Variants in PCNX2 observed in about 807,000 individuals in gnomAD.
The protein encoded by PCNX2 is pecanex 2.
In PCNX2, 168 loss-of-function variants were observed where a neutral mutation model predicts 223.8. The ratio of observed to expected loss-of-function variants is 0.75; its 90% confidence interval spans 0.66 to 0.85. The LOEUF is 0.85. PCNX2 is among the 40% of genes least tolerant of loss of function. The pLI, the probability that PCNX2 is intolerant of heterozygous loss-of-function variation, is 0.00. For missense variants in PCNX2, 2,507 were observed against 2,675.5 expected, an observed-to-expected ratio of 0.94 and a Z score of 1.39; for synonymous variants, 1,006 against 1,052.6, an observed-to-expected ratio of 0.96 and a Z score of 0.86.
At chr1:233,085,574 C>T (rs1673562546) in intron 23 of PCNX2, among the ~76,000 whole-genome samples, 1 of 152,134 alleles carries the variant, frequency 6.6e-6, no homozygotes, top group Non-Finnish European at 1.5e-5. Flanking sequence ...ATATAATTCC[C>T]CTTTCTCTGA....
intron 15 of PCNX2, chr1:233,180,824 T>TAGTG (rs1679751841): frequency 6.6e-6 from 1 of 152,160 alleles, no homozygotes; most frequent in Admixed American, 6.6e-5. Context: ...GAAGTAAGAC[T>TAGTG]CACTGCCTCC....
chr1:233,281,423 G>A (rs1456769205), intron 1 of PCNX2, among the ~76,000 whole-genome samples: 1 of 152,144 alleles, frequency 6.6e-6, no homozygotes, highest in Admixed American at 6.5e-5. Context: ...TTATATCAGA[G>A]ACTAAGAGAT....
chr1:233,079,476 C>T (rs1462596638), intron 23 of PCNX2, among the ~76,000 whole-genome samples: 2 of 146,336 alleles, frequency 1.4e-5, no homozygotes, highest in East Asian at 2.0e-4. Context: ...TGCAATGAGC[C>T]GAGATCATGC....
At chr1:233,173,815 T>C (rs1417348621) in intron 17 of PCNX2, among the ~76,000 whole-genome samples, 1 of 152,034 alleles carries the variant, frequency 6.6e-6, no homozygotes, top group Admixed American at 6.6e-5. Context: ...ATTTTGTTGG[T>C]ATTGTGAGTT....
At chr1:233,269,429 T>C (rs1030511519) in intron 1 of PCNX2, among the ~76,000 whole-genome samples, 4 of 152,102 alleles carry the variant, frequency 2.6e-5, no homozygotes, top group African/African-American at 7.2e-5. Flanking sequence ...GAAGTAAAAC[T>C]AGAAAAAAGA....
intron 21 of PCNX2, among the ~76,000 whole-genome samples, chr1:233,125,655 A>G (rs1472214076): frequency 6.6e-6 from 1 of 152,198 alleles, no homozygotes; most frequent in Non-Finnish European, 1.5e-5. Context: ...AACATGTGAC[A>G]CAAAACGTCA....
In PCNX2 at chr1:233,179,103, G is replaced by C; in HGVS notation, c.3139C>G (p.His1047Asp). 1.9e-6 allele frequency: 3 copies of C among 1,613,848 alleles called. No homozygotes were observed. The highest frequency in any genetic ancestry group is 2.5e-6 in the Non-Finnish European group (3 of 1,179,838). ...FCGLLVALSY[H>D]LSRQSSDPSV... The stretch of plus-strand genomic sequence containing the variant: ...GGGTCACTGCTCTGACGGCTCAGAT[G>C]GTAAGAAAGGGCGACCAAGAGGCCA... The change falls in exon 16 of 34, where the codon CAT becomes GAT. Residue 1047 changes from histidine to aspartate, a missense_variant. His to Asp is a moderately conservative substitution (Grantham distance 81, BLOSUM62 -1). Coordinates refer to ENST00000258229, the MANE Select transcript of PCNX2 (RefSeq NM_014801.4).
intron 8 of PCNX2, among the ~76,000 whole-genome samples, chr1:233,237,373 AACAGAGATGAAC>A (rs1253100655): frequency 5.3e-5 from 8 of 152,204 alleles, no homozygotes; most frequent in Non-Finnish European, 1.2e-4. Flanking sequence ...ACCAGGAAGA[AACAGAGATGAAC>A]ACCTCTGCTA....
chr1:233,116,479 C>G (rs1277755348), intron 21 of PCNX2, among the ~76,000 whole-genome samples: 2 of 151,936 alleles, frequency 1.3e-5, no homozygotes, highest in African/African-American at 2.4e-5. Context: ...AGAAATCAAC[C>G]TAGAAATGAA....
At chr1:233,147,152 C>CA (rs1268697584) in intron 19 of PCNX2, among the ~76,000 whole-genome samples, 1 of 152,092 alleles carries the variant, frequency 6.6e-6, no homozygotes, top group Non-Finnish European at 1.5e-5. Context: ...GACCCTTGAA[C>CA]AAGGGGGAGG....
At chr1:233,128,322 G>A (rs1558259493) in intron 21 of PCNX2, among the ~76,000 whole-genome samples, 1 of 148,586 alleles carries the variant, frequency 6.7e-6, no homozygotes, top group African/African-American at 2.5e-5. Flanking sequence ...TAAAAACAAT[G>A]TTTTTTTTTT....
At chr1:233,180,431 A>G (rs142332226) in intron 15 of PCNX2, among the ~76,000 whole-genome samples, 167 of 152,280 alleles carry the variant, frequency 1.1e-3, no homozygotes, top group African/African-American at 3.8e-3. Flanking sequence ...ACATCTACAT[A>G]TTTAATCTTC....
chr1:233,138,306 C>G (rs1230732741), intron 20 of PCNX2, among the ~76,000 whole-genome samples: 1 of 152,200 alleles, frequency 6.6e-6, no homozygotes, highest in Non-Finnish European at 1.5e-5. Flanking sequence ...TTATTTGACT[C>G]TGCTAGAGTC....
chr1:233,114,019 CA>C (rs903300033), intron 21 of PCNX2, among the ~76,000 whole-genome samples: 13 of 152,134 alleles, frequency 8.5e-5, no homozygotes, highest in Non-Finnish European at 1.3e-4. Flanking sequence ...CCAAAAGAGA[CA>C]AAGATCTTTT....
chr1:233,308,008 G>T, the PCNX2 span, among the ~76,000 whole-genome samples: 8 of 152,306 alleles, frequency 5.3e-5, no homozygotes, highest in Non-Finnish European at 1.2e-4. Flanking sequence ...ACCAAGTTAT[G>T]AATTGAGAAA....
In PCNX2 at chr1:233,001,476, T is replaced by C. The variant is rs969079194; in HGVS notation, c.5097+61A>G. On this transcript the variant is annotated intron_variant, in intron 29 of 33. Coordinates refer to ENST00000258229, the MANE Select transcript of PCNX2 (RefSeq NM_014801.4). This position sits in a 1 kb window ranked among gnomAD's most constrained non-coding sequence, Gnocchi z 4.2. Reference sequence around the variant, plus strand: ...CCTGGGCAACAAGAGCGAAACTCCATCTCATAAATAAATAAATAAATAAAT... The same window carrying C: ...CCTGGGCAACAAGAGCGAAACTCCACCTCATAAATAAATAAATAAATAAAT... 1.3e-4 allele frequency: 134 copies of C among 1,010,958 alleles called. 1 individual carries two copies. Among genetic ancestry groups the C allele is most frequent in the Admixed American group, 3.2e-4 (5 of 15,792 alleles). The allele number at this position is 1,010,958 out of a possible 1,614,324, so 62.6% of individuals were successfully genotyped here. A position where few individuals can be genotyped will look rare whatever the true frequency, so the allele number is the denominator to read the frequency against.
rs1364306089 is a variant in PCNX2, at chr1:233,001,036, C to CT, written c.5097+500dup. 9.0e-4 allele frequency among the ~76,000 whole-genome samples: 136 copies of CT among 151,622 alleles called. No individual in the cohort carries two copies. The highest frequency in any genetic ancestry group is 1.7e-3 in the Admixed American group (26 of 15,234). ...CTAAAGTTTCAGGCTGATCCTTTTT[C>CT]TTTTTTTTTCCCCAAGAGACAGGGT... is the stretch of plus-strand genomic sequence containing the variant. On this transcript the variant is annotated intron_variant, in intron 29 of 33. Coordinates refer to ENST00000258229, the MANE Select transcript of PCNX2 (RefSeq NM_014801.4). The surrounding 1 kb of genome is among the most constrained non-coding windows in gnomAD (Gnocchi z 4.2).
chr1:233,307,115 T>C, the PCNX2 span, among the ~76,000 whole-genome samples: 1 of 152,358 alleles, frequency 6.6e-6, no homozygotes, highest in South Asian at 2.1e-4. Context: ...TTCAGAATTA[T>C]ATAATGTGAG....
rs549485939 is a variant in PCNX2, at chr1:233,251,742, A to G, written c.2128+612T>C. Among the ~76,000 whole-genome samples, 12 of 152,376 alleles carry G rather than the reference A, an allele frequency of 7.9e-5. No individual in the cohort carries two copies. In the South Asian group the frequency reaches 2.1e-3, roughly 26 times the overall value. ...AAACCAGGATCCTTTTGCGAGTAAA[A>G]TAACGAGCACTACTGGAGCTATATG... On this transcript the variant is annotated intron_variant, in intron 7 of 33. Transcript: ENST00000258229.
Sources: gnomAD v4.1 joint callset for allele counts (sites outside exome capture counted in the v4.1 genomes callset) on GRCh38, gnomAD v4.1.1 for gene constraint, Gnocchi (gnomAD v3.1) non-coding constraint, MANE v1.5 for transcripts, NCBI Gene and HGNC (gene_info 2026-07-23, HGNC 2026-07-21) for gene names.